SMYD3: variants seen among roughly 807,000 people sequenced by gnomAD.
SMYD3 encodes the protein histone-lysine N-methyltransferase SMYD3.
A neutral mutation model predicts 57.7 loss-of-function variants in SMYD3; 36 were observed. That is an observed-to-expected ratio of 0.62 (90% confidence interval 0.48 to 0.82). The LOEUF is 0.82. Among genes scored for constraint, SMYD3 ranks in the 40% least tolerant of loss-of-function variants. SMYD3 has a pLI of 0.00. For missense variants in SMYD3, 515 were observed against 538.8 expected, an observed-to-expected ratio of 0.96 and a Z score of 0.44; for synonymous variants, 211 against 195.0, an observed-to-expected ratio of 1.08 and a Z score of -0.68.
chr1:245,816,723 A>T lies in SMYD3; in HGVS notation c.1076+41773T>A, dbSNP rs576835645. On this transcript the variant is annotated intron_variant, in intron 10 of 11. Transcript: ENST00000490107. ...GCGCGAGCCGAAGCAGGGTAAGGCAATGCCTCACTCGGGAAGCGCCAGGGG... is the reference window on the plus strand; with the variant it reads ...GCGCGAGCCGAAGCAGGGTAAGGCATTGCCTCACTCGGGAAGCGCCAGGGG... Among the ~76,000 whole-genome samples, 1,078 of 152,202 alleles carry T rather than the reference A, an allele frequency of 7.1e-3. 25 individuals carry two copies. Among genetic ancestry groups the T allele is most frequent in the African/African-American group, 0.025 (1,023 of 41,522 alleles).
chr1:246,059,041 A>C (rs2060205139), intron 5 of SMYD3, among the ~76,000 whole-genome samples: 1 of 152,002 alleles, frequency 6.6e-6, no homozygotes, highest in Non-Finnish European at 1.5e-5. Flanking sequence ...TGCCCGGCTA[A>C]ATTTTTTTGT....
chr1:246,156,707 A>C (rs1329078526), intron 5 of SMYD3, among the ~76,000 whole-genome samples: 1 of 152,200 alleles, frequency 6.6e-6, no homozygotes, highest in African/African-American at 2.4e-5. Flanking sequence ...AATATCTACA[A>C]GGTGTTTTGG....
chr1:245,873,912 C>T (rs1572564842), intron 8 of SMYD3, among the ~76,000 whole-genome samples: 1 of 152,198 alleles, frequency 6.6e-6, no homozygotes, highest in African/African-American at 2.4e-5. Flanking sequence ...CTAACAGTGC[C>T]TCCTGGCTCC....
At chr1:246,301,670 C>T (rs929387192) in intron 5 of SMYD3, among the ~76,000 whole-genome samples, 1 of 152,132 alleles carries the variant, frequency 6.6e-6, no homozygotes, top group African/African-American at 2.4e-5. Context: ...GCTTTACAAT[C>T]CAGCTGGGGA....
chr1:245,916,598 G>A (rs74154339), intron 7 of SMYD3, among the ~76,000 whole-genome samples: 9,201 of 152,102 alleles, frequency 0.06, 546 homozygotes, highest in African/African-American at 0.14. Context: ...CAATCCACCA[G>A]GAAATTCTGC....
intron 5 of SMYD3, among the ~76,000 whole-genome samples, chr1:245,935,291 G>C (rs1572733356): frequency 6.6e-6 from 1 of 152,174 alleles, no homozygotes; most frequent in East Asian, 1.9e-4. Context: ...ATGGTCAAAA[G>C]ATTCATGAGA....
chr1:246,220,577 C>G (rs947201449), intron 5 of SMYD3, among the ~76,000 whole-genome samples: 3 of 152,168 alleles, frequency 2.0e-5, no homozygotes, highest in African/African-American at 7.2e-5. Flanking sequence ...TCGATGCCCA[C>G]TCCGACCTGG....
chr1:246,144,665 A>G (rs2061814810), intron 5 of SMYD3, among the ~76,000 whole-genome samples: 1 of 152,184 alleles, frequency 6.6e-6, no homozygotes, highest in Non-Finnish European at 1.5e-5. Flanking sequence ...GCTGACACCA[A>G]CTGGCAATCT....
chr1:246,355,218 T>C lies in SMYD3; in HGVS notation c.165-124A>G, dbSNP rs1052154536. On this transcript the variant is annotated intron_variant, in intron 1 of 11. Transcript: ENST00000490107. This position sits in a 1 kb window ranked among gnomAD's most constrained non-coding sequence, Gnocchi z 5.0. ...GTTCTGTTTACTCCATTATGTACAGTCCCTTAAGATTTGGATTTTCACACT... is the reference window on the plus strand; with the variant it reads ...GTTCTGTTTACTCCATTATGTACAGCCCCTTAAGATTTGGATTTTCACACT... 5 of 885,290 alleles carry C rather than the reference T, an allele frequency of 5.6e-6. No individual in the cohort carries two copies. The African/African-American group carries it at 8.6e-5, about 15-fold the overall frequency. The allele number at this position is 885,290 out of a possible 1,614,324, so 54.8% of individuals were successfully genotyped here. A position where few individuals can be genotyped will look rare whatever the true frequency, so the allele number is the denominator to read the frequency against.
chr1:246,398,956 T>C (rs935152502), intron 1 of SMYD3, among the ~76,000 whole-genome samples: 5 of 145,608 alleles, frequency 3.4e-5, no homozygotes, highest in Non-Finnish European at 7.6e-5. Flanking sequence ...AAGGAGTAGA[T>C]AGTTGTAGAT....
At chr1:246,065,394 T>C (rs1003048919) in intron 5 of SMYD3, among the ~76,000 whole-genome samples, 10 of 152,162 alleles carry the variant, frequency 6.6e-5, no homozygotes, top group African/African-American at 2.2e-4. Flanking sequence ...TTAAATAGAA[T>C]CAAAATGTCA....
intron 5 of SMYD3, among the ~76,000 whole-genome samples, chr1:246,025,410 C>T (rs150294866): frequency 6.6e-6 from 1 of 152,166 alleles, no homozygotes; most frequent in African/African-American, 2.4e-5. Flanking sequence ...GGGAGCTGTA[C>T]CCTCCACCCA....
intron 1 of SMYD3, among the ~76,000 whole-genome samples, chr1:246,424,839 GT>G (rs2067192928): frequency 6.6e-6 from 1 of 152,104 alleles, no homozygotes; most frequent in South Asian, 2.1e-4. Context: ...GAACCATTAT[GT>G]TTATCTTATA....
At chr1:246,018,287 GC>G (rs1302579862) in intron 5 of SMYD3, among the ~76,000 whole-genome samples, 1 of 152,038 alleles carries the variant, frequency 6.6e-6, no homozygotes, top group East Asian at 1.9e-4. Flanking sequence ...AAAACAACCA[GC>G]CGTGTCTCTG....
intron 5 of SMYD3, among the ~76,000 whole-genome samples, chr1:246,179,694 C>T (rs1257668009): frequency 6.6e-6 from 1 of 152,196 alleles, no homozygotes; most frequent in African/African-American, 2.4e-5. Context: ...ATATATTTCT[C>T]AAAACCCATC....
At position 245,961,467 on chromosome 1, in the gene SMYD3, G is replaced by A. The variant is rs533441265; in HGVS notation, c.532-31530C>T. ...CATCAGGCACAAAGGAAGATGCACA[G>A]CTGCAAGTGCTCAAGATGACTAAGG... On this transcript the variant is annotated intron_variant, in intron 5 of 11. Coordinates refer to ENST00000490107, the MANE Select transcript of SMYD3 (RefSeq NM_001167740.2). Among the ~76,000 whole-genome samples the A allele has an allele frequency of 5.5e-4, 83 of 152,254 alleles. No homozygotes were observed. The South Asian group carries it at 0.017, about 31-fold the overall frequency.
At chr1:246,374,004 G>A (rs1482116494) in intron 1 of SMYD3, among the ~76,000 whole-genome samples, 5 of 151,986 alleles carry the variant, frequency 3.3e-5, no homozygotes, top group African/African-American at 1.2e-4. Context: ...GAAACACAGT[G>A]GGCACTGTCC....
At chr1:246,344,424 C>T (rs1170017508) in intron 2 of SMYD3, among the ~76,000 whole-genome samples, 2 of 152,220 alleles carry the variant, frequency 1.3e-5, no homozygotes, top group Admixed American at 1.3e-4. Context: ...TTGCGGCATG[C>T]ATCAGTAGTT....
chr1:246,167,986 T>C (rs977602121), intron 5 of SMYD3, among the ~76,000 whole-genome samples: 1 of 152,210 alleles, frequency 6.6e-6, no homozygotes, highest in Non-Finnish European at 1.5e-5. Context: ...TCCAATATTC[T>C]TCTCTATGCA....
Sources: gnomAD v4.1 joint callset for allele counts (sites outside exome capture counted in the v4.1 genomes callset) on GRCh38, gnomAD v4.1.1 for gene constraint, Gnocchi (gnomAD v3.1) non-coding constraint, MANE v1.5 for transcripts, NCBI Gene and HGNC (gene_info 2026-07-23, HGNC 2026-07-21) for gene names.